Variants in FRMPD4 observed in about 807,000 individuals in gnomAD.
FRMPD4 encodes the protein FERM and PDZ domain containing 4.
A neutral mutation model predicts 94.1 loss-of-function variants in FRMPD4; 22 were observed. The observed-to-expected ratio is 0.23, with a 90% CI of 0.17 to 0.33. The LOEUF is 0.33. Ranked by LOEUF, FRMPD4 falls within the 10% of genes least tolerant of loss-of-function variation. The pLI is 1.00. For missense variants in FRMPD4, 1,111 were observed against 1,339.9 expected (o/e 0.83, Z 2.67); for synonymous variants, 631 against 548.6 (o/e 1.15, Z -2.10).
At chrX:12,440,944 G>A (rs1490209624) in intron 1 of FRMPD4, among the ~76,000 whole-genome samples, 1 of 112,139 alleles carries the variant, frequency 8.9e-6, no homozygotes, top group African/African-American at 3.2e-5. Flanking sequence ...CTAGCTATTA[G>A]AATTGCCAAA....
intron 1 of FRMPD4, among the ~76,000 whole-genome samples, chrX:12,474,582 A>C (rs762399611): frequency 8.9e-6 from 1 of 112,096 alleles, no homozygotes; most frequent in South Asian, 3.7e-4. Flanking sequence ...ATAAAGAAGA[A>C]AAGAGAGAAG....
chrX:12,153,998 G>A (rs1394181641), intron 1 of FRMPD4, among the ~76,000 whole-genome samples: 3 of 112,866 alleles, frequency 2.7e-5, no homozygotes, highest in Non-Finnish European at 5.6e-5. Context: ...GAACTGAGTG[G>A]TTGCTACAGA....
intron 4 of FRMPD4, among the ~76,000 whole-genome samples, chrX:12,653,911 G>A (rs760681863): frequency 4.5e-5 from 5 of 111,861 alleles, no homozygotes; most frequent in South Asian, 3.7e-4. Context: ...GGGATTACAG[G>A]CATGTGCCAC....
chrX:12,104,697 T>C (rs1452150093), intron 3 of FRMPD4, among the ~76,000 whole-genome samples: 1 of 112,637 alleles, frequency 8.9e-6, no homozygotes, highest in Non-Finnish European at 1.9e-5. Flanking sequence ...TTATGAGCAC[T>C]TGCTATATGC....
chrX:12,676,735 T>A (rs1264732492), intron 5 of FRMPD4, among the ~76,000 whole-genome samples: 1 of 112,499 alleles, frequency 8.9e-6, no homozygotes, highest in Non-Finnish European at 1.9e-5. Context: ...TTACTATCAG[T>A]GAATCATGGC....
intron 1 of FRMPD4, among the ~76,000 whole-genome samples, chrX:12,216,877 T>C (rs1175199716): frequency 8.9e-6 from 1 of 112,134 alleles, no homozygotes; most frequent in East Asian, 2.8e-4. Context: ...TGCTTGTTCT[T>C]CTGAGCCAGA....
At position 12,631,093 on chromosome X, in the gene FRMPD4, G is replaced by A. The variant is rs776732877; in HGVS notation, c.422+16212G>A. Among the ~76,000 whole-genome samples the A allele has an allele frequency of 5.7e-4, 63 of 111,401 alleles. 3 individuals are homozygous for A. Among genetic ancestry groups the A allele is most frequent in the East Asian group, 4.8e-3 (17 of 3,530 alleles). On this transcript the variant is annotated intron_variant, in intron 4 of 16. Transcript: ENST00000675598. ...GGGTTTTACAAAAGAGGTGTACAGC[G>A]CTTTTCCTCCCCTTCCTTTGGCAAG...
intron 1 of FRMPD4, among the ~76,000 whole-genome samples, chrX:12,448,463 A>G (rs1601953986): frequency 8.9e-6 from 1 of 112,496 alleles, no homozygotes; most frequent in East Asian, 2.8e-4. Context: ...AAAATGTACA[A>G]TGTAGACTAG....
intron 4 of FRMPD4, among the ~76,000 whole-genome samples, chrX:12,642,299 GAGTAGAAGATTC>G (rs1410003968): frequency 2.7e-5 from 3 of 111,816 alleles, no homozygotes; most frequent in African/African-American, 9.8e-5. Flanking sequence ...GATGGCATAG[GAGTAGAAGATTC>G]AGTAGAAGAT....
At chrX:12,486,970 CACTT>C (rs1463422126) in intron 1 of FRMPD4, among the ~76,000 whole-genome samples, 5 of 112,016 alleles carry the variant, frequency 4.5e-5, no homozygotes, top group Non-Finnish European at 9.4e-5. Context: ...CTAACAGCAT[CACTT>C]ACCTTGCTAT....
At position 12,108,372 on chromosome X, in the gene FRMPD4, T is replaced by C. The variant is rs201010043; in HGVS notation, c.95+230354T>C. ...AAAATCCTTTACAGACAAGCAAATGTTGAGAGATTTTGTCACCACCAGGCC... is the reference window on the plus strand; with the variant it reads ...AAAATCCTTTACAGACAAGCAAATGCTGAGAGATTTTGTCACCACCAGGCC... On this transcript the variant is annotated intron_variant, in intron 3 of 18. Coordinates refer to the FRMPD4 transcript ENST00000640291. 7.6e-4 allele frequency among the ~76,000 whole-genome samples: 84 copies of C among 111,243 alleles called. No individual in the cohort carries two copies. In the East Asian group the frequency reaches 0.023, roughly 30 times the overall value.
chrX:12,684,574 A>G (rs774818409), intron 6 of FRMPD4, among the ~76,000 whole-genome samples: 1 of 111,404 alleles, frequency 9.0e-6, no homozygotes, highest in East Asian at 2.8e-4. Context: ...CCCTGTGAGC[A>G]TGGTCTGTTC....
At chrX:12,506,816 T>C (rs1163421730) in intron 2 of FRMPD4, among the ~76,000 whole-genome samples, 1 of 112,469 alleles carries the variant, frequency 8.9e-6, no homozygotes, top group African/African-American at 3.2e-5. Flanking sequence ...ATTGTTTTGA[T>C]TGTACTTCTT....
At chrX:12,139,605 A>G (rs1239923990) in intron 1 of FRMPD4, among the ~76,000 whole-genome samples, 1 of 110,281 alleles carries the variant, frequency 9.1e-6, no homozygotes, top group Non-Finnish European at 1.9e-5. Context: ...ATTTTCTTCT[A>G]AGTGGCCATG....
At chrX:12,458,999 C>T (rs1209686443) in intron 1 of FRMPD4, among the ~76,000 whole-genome samples, 1 of 111,874 alleles carries the variant, frequency 8.9e-6, no homozygotes, top group Non-Finnish European at 1.9e-5. Context: ...CAATATAACT[C>T]CATTGACCAT....
chrX:12,111,039 T>C, intron 3 of FRMPD4, among the ~76,000 whole-genome samples: 1 of 111,751 alleles, frequency 8.9e-6, no homozygotes, highest in East Asian at 2.8e-4. Flanking sequence ...AAGCTACCAA[T>C]GACTTTCTTC....
At chrX:12,050,423 A>G (rs1023734120) in intron 3 of FRMPD4, among the ~76,000 whole-genome samples, 1 of 111,870 alleles carries the variant, frequency 8.9e-6, no homozygotes, top group Non-Finnish European at 1.9e-5. Context: ...GTTATATCAT[A>G]TAACCGAGGT....
At chrX:12,695,814 G>A (rs774994000) in intron 9 of FRMPD4, among the ~76,000 whole-genome samples, 2 of 111,220 alleles carry the variant, frequency 1.8e-5, no homozygotes, top group East Asian at 2.8e-4. Flanking sequence ...TTGGCTCACC[G>A]CAACCTCTGC....
At chrX:12,224,787 TTTTA>T (rs2056905392) in intron 1 of FRMPD4, among the ~76,000 whole-genome samples, 1 of 111,654 alleles carries the variant, frequency 9.0e-6, no homozygotes, top group Admixed American at 9.5e-5. Flanking sequence ...TTGGTACAGT[TTTTA>T]TTTTTCTTTG....
Sources: allele counts gnomAD v4.1 joint callset (sites outside exome capture counted in the v4.1 genomes callset), GRCh38; gene constraint gnomAD v4.1.1; transcripts MANE v1.5; gene names NCBI Gene and HGNC (gene_info 2026-07-23, HGNC 2026-07-21).